Variants in TTLL1 observed in about 807,000 individuals in gnomAD.
TTLL1 encodes the protein polyglutamylase complex subunit TTLL1.
In TTLL1, 33 loss-of-function variants were observed where a neutral mutation model predicts 47.8. The observed-to-expected ratio is 0.69, with a 90% CI of 0.52 to 0.92. The LOEUF (loss-of-function observed/expected upper bound fraction) is 0.92. TTLL1 is among the 40% of genes least tolerant of loss of function. The pLI is 0.00. For synonymous variants in TTLL1, 225 were observed against 214.1 expected, an observed-to-expected ratio of 1.05 and a Z score of -0.45; for missense variants, 488 against 547.5, an observed-to-expected ratio of 0.89 and a Z score of 1.08.
In TTLL1 at chr22:43,055,642, A is replaced by T. The variant is rs547191328; in HGVS notation, c.891+3742T>A. On this transcript the variant is annotated intron_variant, in intron 8 of 10. Transcript: ENST00000266254. ...CAACACATTCGGCTAATTAAAAATA[A>T]TTTTTTTTTTTTGTAGAGACAGCAT... Among the ~76,000 whole-genome samples the T allele has an allele frequency of 2.8e-5, 4 of 144,796 alleles. No homozygotes were observed. In the East Asian group the frequency reaches 6.2e-4, roughly 22 times the overall value. The allele number at this position is 144,796 out of a possible 152,430, so 95.0% of individuals were successfully genotyped here. A position where few individuals can be genotyped will look rare whatever the true frequency, so the allele number is the denominator to read the frequency against.
intron 7 of TTLL1, among the ~76,000 whole-genome samples, chr22:43,062,895 A>G (rs1569428981): frequency 6.6e-6 from 1 of 152,212 alleles, no homozygotes; most frequent in Non-Finnish European, 1.5e-5. Context: ...TATCTAAGAC[A>G]TGCTTAGAAC....
chr22:43,083,718 A>C (rs1569451038), intron 1 of TTLL1, among the ~76,000 whole-genome samples: 3 of 151,894 alleles, frequency 2.0e-5, no homozygotes, highest in Non-Finnish European at 4.4e-5. Context: ...ACAAGAGCAA[A>C]CTCCATCTCA....
In TTLL1 at chr22:43,060,828, AAAAC is replaced by A. The variant is rs1927344075; in HGVS notation, c.748-1305_748-1302del. Among the ~76,000 whole-genome samples the A allele has an allele frequency of 2.0e-5, 3 of 152,252 alleles. No homozygotes were observed. The South Asian group carries it at 6.2e-4, about 31-fold the overall frequency. ...AAGTATAAAGTGAGAACCATGAACT[AAAAC>A]AAAACCAGCCTACTAACTCTTCGAG... On this transcript the variant is annotated intron_variant, in intron 7 of 10. Transcript: ENST00000266254.
At chr22:43,072,655 T>C (rs1296000965) in intron 3 of TTLL1, among the ~76,000 whole-genome samples, 1 of 152,060 alleles carries the variant, frequency 6.6e-6, no homozygotes, top group Non-Finnish European at 1.5e-5. Flanking sequence ...TATTTGTTTG[T>C]AGAGATGAGG....
At chr22:43,073,627 A>AT (rs1928280832) in intron 3 of TTLL1, among the ~76,000 whole-genome samples, 2 of 152,056 alleles carry the variant, frequency 1.3e-5, no homozygotes, top group South Asian at 4.1e-4. Context: ...AAGTGCTGGG[A>AT]TTACAGGCAT....
intron 1 of TTLL1, among the ~76,000 whole-genome samples, chr22:43,086,429 G>A (rs60032207): frequency 0.03 from 4,621 of 152,132 alleles, 252 homozygotes; most frequent in African/African-American, 0.11. Flanking sequence ...GGGTAGGATC[G>A]TCATGAGCTC....
intron 8 of TTLL1, among the ~76,000 whole-genome samples, chr22:43,052,650 G>A (rs571024218): frequency 1.3e-5 from 2 of 152,234 alleles, no homozygotes; most frequent in African/African-American, 2.4e-5. Context: ...GCTGGAGGCT[G>A]GGAGGAAGAG....
intron 1 of TTLL1, among the ~76,000 whole-genome samples, 192 bp downstream of exon 1, chr22:43,089,085 G>A (rs1464811872): frequency 6.6e-6 from 1 of 152,230 alleles, no homozygotes. Flanking sequence ...GGAACTCAGC[G>A]GACGGAGAAA....
intron 7 of TTLL1, among the ~76,000 whole-genome samples, chr22:43,060,413 C>T (rs1257904682): frequency 1.3e-5 from 2 of 152,220 alleles, no homozygotes; most frequent in Admixed American, 1.3e-4. Context: ...CCACAGCGCC[C>T]CACGGTGGGC....
chr22:43,066,809 G>A (rs1447855691), intron 5 of TTLL1, among the ~76,000 whole-genome samples: 2 of 151,694 alleles, frequency 1.3e-5, no homozygotes, highest in African/African-American at 4.8e-5. Flanking sequence ...GGCCAACATG[G>A]TAAAACCCCA....
intron 3 of TTLL1, among the ~76,000 whole-genome samples, chr22:43,071,922 C>G (rs960035757): frequency 2.0e-5 from 3 of 152,234 alleles, no homozygotes; most frequent in African/African-American, 7.2e-5. Flanking sequence ...TGTACAACAC[C>G]TACCTGTGGC....
chr22:43,071,988 CCA>C (rs1455488656), intron 3 of TTLL1, among the ~76,000 whole-genome samples: 4 of 147,880 alleles, frequency 2.7e-5, no homozygotes, highest in Non-Finnish European at 5.9e-5. Flanking sequence ...CTCAGGGCAC[CCA>C]CATGTTTCCA....
chr22:43,086,609 G>A (rs1929244983), intron 1 of TTLL1, among the ~76,000 whole-genome samples: 1 of 152,178 alleles, frequency 6.6e-6, no homozygotes, highest in Non-Finnish European at 1.5e-5. Context: ...TTAACAAGCT[G>A]TAAGGCCTGC....
At position 43,068,608 on chromosome 22, in the gene TTLL1, C is replaced by T. The variant is rs1927905880; in HGVS notation, c.323-18G>A. 7 of 1,442,896 alleles carry T rather than the reference C, an allele frequency of 4.9e-6. No homozygotes were observed. The highest frequency in any genetic ancestry group is 6.5e-6 in the Non-Finnish European group (7 of 1,078,628). The allele number at this position is 1,442,896 out of a possible 1,614,324, so 89.4% of individuals were successfully genotyped here. ...AACAAAGTCTGCAAGGCAAAGACAC[C>T]CAGCACTGGTAAGCAGCCAGCCCAA... On this transcript the variant is annotated intron_variant, in intron 4 of 10. Transcript: ENST00000266254.
At chr22:43,081,335 A>G (rs1036432260) in intron 1 of TTLL1, among the ~76,000 whole-genome samples, 1 of 152,116 alleles carries the variant, frequency 6.6e-6, no homozygotes, top group Non-Finnish European at 1.5e-5. Context: ...GTAAATATTC[A>G]GTGCATGACG....
chr22:43,043,657 C>CT, intron 10 of TTLL1, among the ~76,000 whole-genome samples: 1 of 152,196 alleles, frequency 6.6e-6, no homozygotes, highest in South Asian at 2.1e-4. Context: ...TCCACTTCCC[C>CT]TTCCTGCTCT....
chr22:43,064,328 A>C lies in TTLL1; in HGVS notation c.504-4T>G. The C allele has an allele frequency of 6.2e-7, 1 of 1,607,242 alleles. No individual in the cohort carries two copies. Among genetic ancestry groups the C allele is most frequent in the South Asian group, 1.1e-5 (1 of 89,534 alleles). On this transcript the variant is annotated splice_region_variant and splice_polypyrimidine_tract_variant and intron_variant, in intron 5 of 10. Coordinates refer to ENST00000266254, the MANE Select transcript of TTLL1 (RefSeq NM_012263.5). The stretch of plus-strand genomic sequence containing the variant: ...CTTATTAGATTGAGACACAAACCTA[A>C]ACATGGCAGAGAAAGTAAAAATTAG...
At chr22:43,057,816 A>G (rs1341970334) in intron 8 of TTLL1, among the ~76,000 whole-genome samples, 1 of 152,020 alleles carries the variant, frequency 6.6e-6, no homozygotes, top group Non-Finnish European at 1.5e-5. Context: ...GGAAGATTTC[A>G]TGGGCTTTGG....
At chr22:43,041,569 T>C (rs1164445775) in intron 10 of TTLL1, among the ~76,000 whole-genome samples, 4 of 146,262 alleles carry the variant, frequency 2.7e-5, no homozygotes, top group Non-Finnish European at 5.9e-5. Context: ...GACTGGAGTG[T>C]AGTGGCCCGA....
Sources: gnomAD v4.1 joint callset for allele counts (sites outside exome capture counted in the v4.1 genomes callset) on GRCh38, gnomAD v4.1.1 for gene constraint, MANE v1.5 for transcripts, NCBI Gene and HGNC (gene_info 2026-07-23, HGNC 2026-07-21) for gene names.